Variants in BAHCC1 observed in about 807,000 individuals in gnomAD.
The protein encoded by BAHCC1 is BAH and coiled-coil domain-containing protein 1.
BAHCC1 carries 43 observed loss-of-function variants against 88.2 expected under a neutral mutation model. That is an observed-to-expected ratio of 0.49 (90% CI 0.38 to 0.63). The LOEUF (loss-of-function observed/expected upper bound fraction) is 0.63, where lower values mean the gene tolerates loss of function less well. Among genes scored for constraint, BAHCC1 ranks in the 20% least tolerant of loss-of-function variants. The probability of loss-of-function intolerance (pLI) is 0.00; values close to 1 mark genes in which losing one functional copy is unlikely to be tolerated. For synonymous variants in BAHCC1, 1,510 were observed against 745.5 expected (o/e 2.03, Z -16.71); for missense variants, 3,023 against 1,654.8 (o/e 1.83, Z -14.34).
intron 2 of BAHCC1, among the ~76,000 whole-genome samples, chr17:81,419,826 G>A (rs2064093884): frequency 1.4e-5 from 2 of 138,136 alleles, no homozygotes; most frequent in African/African-American, 5.4e-5. Flanking sequence ...CCATTTCACA[G>A]TTTCCAGAAA....
intron 6 of BAHCC1, 199 bp from the exon 7 acceptor site, chr17:81,444,182 C>T: frequency 1.7e-6 from 1 of 605,926 alleles, no homozygotes; most frequent in East Asian, 2.7e-5. Context: ...AGCACTGAGG[C>T]TGGAGCCTGG....
chr17:81,450,930 C>G (rs1598498709), intron 11 of BAHCC1, among the ~76,000 whole-genome samples: 1 of 152,194 alleles, frequency 6.6e-6, no homozygotes, highest in African/African-American at 2.4e-5. Flanking sequence ...ATCGAGGGGA[C>G]TTGTCCCCTC....
intron 11 of BAHCC1, among the ~76,000 whole-genome samples, chr17:81,449,046 G>A (rs2064584807): frequency 1.3e-5 from 2 of 152,236 alleles, no homozygotes; most frequent in Non-Finnish European, 2.9e-5. Context: ...CAGGTCCCGT[G>A]TGTATGGCCA....
At chr17:81,417,187 C>T (rs1555648856) in intron 2 of BAHCC1, among the ~76,000 whole-genome samples, 1 of 152,140 alleles carries the variant, frequency 6.6e-6, no homozygotes, top group East Asian at 1.9e-4. Flanking sequence ...CCGGGGTGTC[C>T]GTCTCCCCGC....
rs907637591 is a variant in BAHCC1 at position 81,444,508 on chromosome 17, C to G, written c.2452C>G (p.His818Asp). The G allele has an allele frequency of 1.4e-6, 1 of 700,996 alleles. No individual in the cohort carries two copies. The highest frequency in any genetic ancestry group is 1.5e-5 in the South Asian group (1 of 65,932). 43.4% of individuals were successfully genotyped at this position (700,996 alleles called of 1,614,324 possible). A position where few individuals can be genotyped will look rare whatever the true frequency, so the allele number is the denominator to read the frequency against. The change falls in exon 7 of 28, where the codon CAT (histidine) becomes GAT (aspartate). Residue 818 changes from histidine to aspartate, a missense_variant. By Grantham distance (81) the His-to-Asp change is moderately conservative. Coordinates refer to ENST00000675386, the MANE Select transcript of BAHCC1 (RefSeq NM_001377448.1). The part of the protein sequence containing the change: ...GGDPAPHTHP[H>D]PPWLPRTRSP... ...GGACCCAGCCCCCCACACCCACCCC[C>G]ATCCCCCCTGGCTGCCCCGCACCCG...
chr17:81,429,409 G>A (rs993273555), intron 3 of BAHCC1, among the ~76,000 whole-genome samples: 11 of 152,178 alleles, frequency 7.2e-5, no homozygotes, highest in South Asian at 2.1e-4. Flanking sequence ...TCCCTGCCAC[G>A]CAGCCGTGCT....
intron 2 of BAHCC1, among the ~76,000 whole-genome samples, chr17:81,421,243 T>C (rs1555649548): frequency 6.6e-6 from 1 of 152,218 alleles, no homozygotes; most frequent in Non-Finnish European, 1.5e-5. Flanking sequence ...CCGGCTGGCC[T>C]TGGCCCACAC....
chr17:81,419,391 G>A lies in BAHCC1; in HGVS notation c.179-7409G>A, dbSNP rs557644649. On this transcript the variant is annotated intron_variant, in intron 2 of 27. Coordinates refer to ENST00000675386, the MANE Select transcript of BAHCC1 (RefSeq NM_001377448.1). ...GGCGGCTTCCTCCCCGCGCTTTCCC[G>A]GAATGAGGAATGTGGGGCAGGGCCA... 1.2e-3 allele frequency among the ~76,000 whole-genome samples: 186 copies of A among 152,354 alleles called. 1 individual carries two copies. The highest frequency in any genetic ancestry group is 4.4e-3 in the African/African-American group (185 of 41,592).
chr17:81,405,540 A>G (rs79706326), intron 2 of BAHCC1, among the ~76,000 whole-genome samples: 221 of 152,188 alleles, frequency 1.5e-3, no homozygotes, highest in African/African-American at 5.1e-3. Context: ...TCTAACTCCC[A>G]AAGGACTATA....
intron 2 of BAHCC1, among the ~76,000 whole-genome samples, chr17:81,426,284 TGTG>T (rs1273426239): frequency 0.025 from 353 of 14,144 alleles, no homozygotes; most frequent in African/African-American, 0.06. Flanking sequence ...TGGGGGTGAT[TGTG>T]GTGGGTGATG....
In BAHCC1 at chr17:81,435,937, CTTTCTCAGTT is replaced by C. The variant is rs534271055; in HGVS notation, c.359-2430_359-2421del. ...TTCATAAAAATCATTTTTAAATTTT[CTTTCTCAGTT>C]TTGAGAGTATGGTCTTATTGGGAAA... On this transcript the variant is annotated intron_variant, in intron 3 of 27. Transcript: ENST00000675386. The surrounding 1 kb of genome is among the most constrained non-coding windows in gnomAD (Gnocchi z 4.4). 1.4e-3 allele frequency among the ~76,000 whole-genome samples: 207 copies of C among 152,316 alleles called. No individual in the cohort carries two copies. Among genetic ancestry groups the C allele is most frequent in the Non-Finnish European group, 1.5e-3 (99 of 68,022 alleles).
At chr17:81,453,600 C>G (rs577549322) in intron 14 of BAHCC1, among the ~76,000 whole-genome samples, 5 of 152,012 alleles carry the variant, frequency 3.3e-5, no homozygotes, top group Non-Finnish European at 7.4e-5. Context: ...TGCCCCCCCC[C>G]AGAGCTGCCC....
intron 2 of BAHCC1, among the ~76,000 whole-genome samples, chr17:81,405,639 T>C (rs782490902): frequency 2.0e-5 from 3 of 152,198 alleles, no homozygotes; most frequent in Non-Finnish European, 2.9e-5. Flanking sequence ...CAGATAGAGT[T>C]CAGCCAGTGC....
At chr17:81,438,040 A>G (rs967395621) in intron 3 of BAHCC1, among the ~76,000 whole-genome samples, 8 of 152,306 alleles carry the variant, frequency 5.3e-5, no homozygotes, top group African/African-American at 1.9e-4. Flanking sequence ...CTCCTCCCAC[A>G]AAACCTCCCC....
chr17:81,460,195 C>T, intron 23 of BAHCC1, 82 bp from the exon 24 acceptor site: 1 of 688,658 alleles, frequency 1.5e-6, no homozygotes, highest in Non-Finnish European at 2.7e-6. Flanking sequence ...CTCACCCTCC[C>T]CACCGGCTTT....
At chr17:81,460,187 C>A in intron 23 of BAHCC1, 90 bp from the exon 24 acceptor site, 1 of 680,556 alleles carries the variant, frequency 1.5e-6, no homozygotes, top group African/African-American at 1.8e-5. Flanking sequence ...GCCCTCCCCT[C>A]ACCCTCCCCA....
chr17:81,428,926 C>T (rs1482312307), intron 3 of BAHCC1, among the ~76,000 whole-genome samples: 1 of 152,270 alleles, frequency 6.6e-6, no homozygotes, highest in Non-Finnish European at 1.5e-5. Context: ...ACGTGAGCCC[C>T]TGGCGTCTGG....
Position 81,435,173 on chromosome 17 carries a change from ACCT to A in BAHCC1, c.359-3194_359-3192del, listed in dbSNP as rs2064318867. Among the ~76,000 whole-genome samples the A allele has an allele frequency of 1.3e-5, 2 of 150,876 alleles. No individual in the cohort carries two copies. Among genetic ancestry groups the A allele is most frequent in the African/African-American group, 2.4e-5 (1 of 40,920 alleles). On this transcript the variant is annotated intron_variant, in intron 3 of 27. Coordinates refer to ENST00000675386, the MANE Select transcript of BAHCC1 (RefSeq NM_001377448.1). This position sits in a 1 kb window ranked among gnomAD's most constrained non-coding sequence, Gnocchi z 4.4. ...ACAGGCCTCCTACCTGCAACCCTTGACCTCCCCAGACGTGGTGAGCTCAGGCCT... is the reference window on the plus strand; with the variant it reads ...ACAGGCCTCCTACCTGCAACCCTTGACCCCAGACGTGGTGAGCTCAGGCCT...
At chr17:81,440,314 C>T (rs968062666) in intron 4 of BAHCC1, among the ~76,000 whole-genome samples, 5 of 152,224 alleles carry the variant, frequency 3.3e-5, no homozygotes, top group East Asian at 1.9e-4. Flanking sequence ...GGCAGTGGGC[C>T]GGCCAGGCCT....
Sources: allele counts gnomAD v4.1 joint callset (sites outside exome capture counted in the v4.1 genomes callset), GRCh38; gene constraint gnomAD v4.1.1; non-coding constraint Gnocchi (gnomAD v3.1); transcripts MANE v1.5; gene names NCBI Gene and HGNC (gene_info 2026-07-23, HGNC 2026-07-21).